Variants in ZNF607 observed in about 807,000 individuals in gnomAD.
ZNF607 encodes the protein zinc finger protein 607.
Under a neutral mutation model 12.8 loss-of-function variants are expected in ZNF607, and 5 were observed. The observed-to-expected ratio is 0.39, with a 90% CI of 0.20 to 0.82. ZNF607 has a LOEUF of 0.82. Among genes scored for constraint, ZNF607 ranks in the 40% least tolerant of loss-of-function variants. ZNF607 has a pLI of 0.39. For synonymous variants in ZNF607, 287 were observed against 276.2 expected, an observed-to-expected ratio of 1.04 and a Z score of -0.39; for missense variants, 851 against 859.2, an observed-to-expected ratio of 0.99 and a Z score of 0.12.
chr19:37,717,835 GA>G (rs1302437412), intron 1 of ZNF607, among the ~76,000 whole-genome samples: 1 of 132,620 alleles, frequency 7.5e-6, no homozygotes, highest in Non-Finnish European at 1.6e-5. Context: ...AAAAAAGAAA[GA>G]AAAAGAGTTG....
At chr19:37,707,816 G>A in intron 4 of ZNF607, 98 bp downstream of exon 4, 1 of 894,378 alleles carries the variant, frequency 1.1e-6, no homozygotes, top group Non-Finnish European at 1.8e-6. Flanking sequence ...GGAAATTTAT[G>A]ACCAATGTTT....
chr19:37,719,108 T>C (rs16975299), intron 1 of ZNF607, 161 bp downstream of exon 1: 80,404 of 152,528 alleles, frequency 0.53, 21,995 homozygotes, highest in Middle Eastern at 0.67. Context: ...TGATTTCCCA[T>C]TGGGACCATT....
chr19:37,702,180 G>A (rs780475992), intron 4 of ZNF607, among the ~76,000 whole-genome samples: 19 of 151,282 alleles, frequency 1.3e-4, no homozygotes, highest in African/African-American at 2.9e-4. Flanking sequence ...CCAGCTACTC[G>A]GGAGGCTGAG....
intron 2 of ZNF607, 97 bp downstream of exon 2, chr19:37,711,513 C>T (rs57504517): frequency 0.05 from 61,961 of 1,234,864 alleles, 2,042 homozygotes; most frequent in African/African-American, 0.13. Flanking sequence ...AACTGAGCAC[C>T]GTCTCACGAA....
In ZNF607 at chr19:37,698,147, T is replaced by TA; in HGVS notation, c.1983dup (p.Ile662TyrfsTer4). ...TCACCAGTATGAACTCTATGATGTA[T>TA]ACTAAGTTCATGGCTACTATTAAAA... On this transcript the variant is annotated frameshift_variant, in exon 5 of 5. Coordinates refer to ENST00000355202, the MANE Select transcript of ZNF607 (RefSeq NM_032689.5). LOFTEE classifies it low-confidence loss of function (END_TRUNC). 1 of 1,614,112 alleles carries TA rather than the reference T, an allele frequency of 6.2e-7. No homozygotes were observed. Among genetic ancestry groups the TA allele is most frequent in the South Asian group, 1.1e-5 (1 of 91,080 alleles).
At chr19:37,708,227 G>A (rs544836765) in intron 3 of ZNF607, among the ~76,000 whole-genome samples, 12 of 148,660 alleles carry the variant, frequency 8.1e-5, no homozygotes, top group African/African-American at 2.5e-4. Flanking sequence ...ACGGAGTCTC[G>A]CTCTGTCACC....
rs766182498 is a variant in ZNF607, at chr19:37,698,690, C to G, written c.1441G>C (p.Glu481Gln). Residue 481 changes from glutamate (E) to glutamine (Q), a missense_variant, in exon 5 of 5, where the codon GAG (glutamate) becomes CAG (glutamine). Coordinates refer to ENST00000355202, the MANE Select transcript of ZNF607 (RefSeq NM_032689.5). ...HTGEKPYVCQ[E>Q]CGKGFSYSHK... Reference sequence around the variant, plus strand: ...CTATAACTAAAACCCTTCCCACACTCTTGACATACATAGGGTTTCTCTCCT... The same window carrying G: ...CTATAACTAAAACCCTTCCCACACTGTTGACATACATAGGGTTTCTCTCCT... 15 of 1,613,052 alleles carry G rather than the reference C, an allele frequency of 9.3e-6. No individual in the cohort carries two copies. In the South Asian group the frequency reaches 1.5e-4, roughly 17 times the overall value.
rs192270194 is a variant in ZNF607 at position 37,698,018 on chromosome 19, T to C, written c.*22A>G. 110 of 1,547,972 alleles carry C rather than the reference T, an allele frequency of 7.1e-5. No individual in the cohort carries two copies. In the East Asian group the frequency reaches 2.4e-3, roughly 34 times the overall value. ...GACACAATGTGCTTTCTTTACTACC[T>C]GTATATGCCACAATTTCTCTATCAA... On this transcript the variant is annotated 3_prime_UTR_variant, in exon 5 of 5. Coordinates refer to ENST00000355202, the MANE Select transcript of ZNF607 (RefSeq NM_032689.5).
chr19:37,718,933 A>G (rs752831573), intron 1 of ZNF607: 1 of 152,122 alleles, frequency 6.6e-6, no homozygotes, highest in Non-Finnish European at 1.5e-5. Context: ...AATACCTACC[A>G]CCATGGTCCT....
At chr19:37,704,730 G>A (rs2045065958) in intron 4 of ZNF607, among the ~76,000 whole-genome samples, 1 of 152,194 alleles carries the variant, frequency 6.6e-6, no homozygotes, top group African/African-American at 2.4e-5. Context: ...CGGGCGAGCG[G>A]GCGGATCACA....
chr19:37,709,894 C>T (rs1017932483), intron 2 of ZNF607, 72 bp from the exon 3 acceptor site: 168 of 1,553,576 alleles, frequency 1.1e-4, no homozygotes, highest in Non-Finnish European at 1.4e-4. Context: ...CTGTGGCTCA[C>T]GCCTGTAATC....
Position 37,719,569 on chromosome 19 carries a change from G to A in ZNF607, c.-375C>T, listed in dbSNP as rs1029508443. ...TCTTCAGGTGGAACCAAAAGGTCCC[G>A]GAACCGGAGCCAGGGGTCCAAGTTT... On this transcript the variant is annotated 5_prime_UTR_variant, in exon 1 of 5. Transcript: ENST00000355202. 6.6e-6 allele frequency: 1 copy of A among 152,392 alleles called. No individual in the cohort carries two copies. Among genetic ancestry groups the A allele is most frequent in the Admixed American group, 6.5e-5 (1 of 15,290 alleles). 9.4% of individuals were successfully genotyped at this position (152,392 alleles called of 1,614,324 possible). A position where few individuals can be genotyped will look rare whatever the true frequency, so the allele number is the denominator to read the frequency against.
chr19:37,713,437 ATTT>A (rs60121706), intron 1 of ZNF607, among the ~76,000 whole-genome samples: 5 of 140,732 alleles, frequency 3.6e-5, no homozygotes, highest in Non-Finnish European at 6.2e-5. Flanking sequence ...TAAAAGTCTG[ATTT>A]TTTTTTTTTT....
In ZNF607 at chr19:37,697,130, T is replaced by C. The variant is rs1052310317; in HGVS notation, c.*910A>G. 2 of 746,908 alleles carry C rather than the reference T, an allele frequency of 2.7e-6. No homozygotes were observed. The highest frequency in any genetic ancestry group is 1.8e-5 in the Admixed American group (1 of 56,978). The allele number at this position is 746,908 out of a possible 1,614,324, so 46.3% of individuals were successfully genotyped here. A position where few individuals can be genotyped will look rare whatever the true frequency, so the allele number is the denominator to read the frequency against. On this transcript the variant is annotated 3_prime_UTR_variant, in exon 5 of 5. Coordinates refer to ENST00000355202, the MANE Select transcript of ZNF607 (RefSeq NM_032689.5). ...TGATGGGCCGGAAGAGGATGCACAG[T>C]GTGATGTTGACATTCTGTAAATCTT... is the stretch of plus-strand genomic sequence containing the variant.
At position 37,697,387 on chromosome 19, in the gene ZNF607, A is replaced by C. The variant is rs2044985373; in HGVS notation, c.*653T>G. 6.6e-7 allele frequency: 1 copy of C among 1,505,154 alleles called. No homozygotes were observed. The highest frequency in any genetic ancestry group is 9.1e-7 in the Non-Finnish European group (1 of 1,099,094). 93.2% of individuals were successfully genotyped at this position (1,505,154 alleles called of 1,614,324 possible). On this transcript the variant is annotated 3_prime_UTR_variant, in exon 5 of 5. Transcript: ENST00000355202. ...AGGCCAAACTTGCCGATGGACTCAAACACTTTGGCAGCCATGTTTTCTTCT... is the reference window on the plus strand; with the variant it reads ...AGGCCAAACTTGCCGATGGACTCAACCACTTTGGCAGCCATGTTTTCTTCT...
At chr19:37,715,153 A>G (rs1405011236) in intron 1 of ZNF607, among the ~76,000 whole-genome samples, 1 of 151,140 alleles carries the variant, frequency 6.6e-6, no homozygotes, top group Non-Finnish European at 1.5e-5. Flanking sequence ...TGATCTGCCC[A>G]CCTCAGCCTC....
rs542390944 is a variant in ZNF607 at position 37,716,020 on chromosome 19, G to GTT, written c.-75+3247_-75+3248dup. Among the ~76,000 whole-genome samples the GTT allele has an allele frequency of 3.9e-5, 6 of 152,242 alleles. No individual in the cohort carries two copies. In the East Asian group the frequency reaches 1.2e-3, roughly 29 times the overall value. ...CCTAAAAGGTATAAAAACTTGGATT[G>GTT]TTTTTCACCTCTGAAGGAGGTCCCT... On this transcript the variant is annotated intron_variant, in intron 1 of 4. Coordinates refer to ENST00000355202, the MANE Select transcript of ZNF607 (RefSeq NM_032689.5).
Position 37,699,204 on chromosome 19 carries a change from A to G in ZNF607, c.927T>C (p.Tyr309=), listed in dbSNP as rs773114214. Residue 309 remains tyrosine (Y), a synonymous_variant, in exon 5 of 5, where the codon TAT becomes TAC. Coordinates refer to ENST00000355202, the MANE Select transcript of ZNF607 (RefSeq NM_032689.5). ...AGCCCTTCCCGCATTCCTTGCATTC[A>G]TAGGGTTTTTCTCCAGTATGAATTC... ...HKRIHTGEKP[Y]ECKECGKGFT... 7.4e-6 allele frequency: 12 copies of G among 1,613,970 alleles called. No individual in the cohort carries two copies. The East Asian group carries it at 2.5e-4, about 33-fold the overall frequency.
rs530464967 is a variant in ZNF607 at position 37,697,128 on chromosome 19, A to C, written c.*912T>G. On this transcript the variant is annotated 3_prime_UTR_variant, in exon 5 of 5. Coordinates refer to ENST00000355202, the MANE Select transcript of ZNF607 (RefSeq NM_032689.5). ...AGTGATGGGCCGGAAGAGGATGCAC[A>C]GTGTGATGTTGACATTCTGTAAATC... The C allele has an allele frequency of 4.0e-6, 3 of 747,218 alleles. No homozygotes were observed. The Admixed American group carries it at 5.3e-5, about 13-fold the overall frequency. The allele number at this position is 747,218 out of a possible 1,614,324, so 46.3% of individuals were successfully genotyped here. A position where few individuals can be genotyped will look rare whatever the true frequency, so the allele number is the denominator to read the frequency against.
Sources: gnomAD v4.1 joint callset for allele counts (sites outside exome capture counted in the v4.1 genomes callset) on GRCh38, gnomAD v4.1.1 for gene constraint, MANE v1.5 for transcripts, NCBI Gene and HGNC (gene_info 2026-07-23, HGNC 2026-07-21) for gene names.